The following TFEB variants were observed in gnomAD, a reference collection of about 807,000 sequenced individuals.
TFEB encodes the protein transcription factor EB.
Under a neutral mutation model 48.0 loss-of-function variants are expected in TFEB, and 12 were observed. The ratio of observed to expected loss-of-function variants is 0.25; its 90% CI spans 0.16 to 0.40. The LOEUF (loss-of-function observed/expected upper bound fraction) is 0.40, where lower values mean the gene tolerates loss of function less well. TFEB is among the 10% of genes least tolerant of loss of function. The pLI is 1.00. For synonymous variants in TFEB, 244 were observed against 261.4 expected (o/e 0.93, Z 0.64); for missense variants, 509 against 640.3 (o/e 0.79, Z 2.21).
chr6:41,699,438 C>A (rs946842687), intron 1 of TFEB, among the ~76,000 whole-genome samples: 2 of 152,234 alleles, frequency 1.3e-5, no homozygotes, highest in African/African-American at 2.4e-5. Context: ...CAGCTTCAGT[C>A]TCTCCTTACT....
chr6:41,717,832 G>T lies in TFEB; in HGVS notation c.-23+17518C>A, dbSNP rs115745669. 1.4e-3 allele frequency among the ~76,000 whole-genome samples: 217 copies of T among 152,322 alleles called. 1 individual carries two copies. Among genetic ancestry groups the T allele is most frequent in the Non-Finnish European group, 2.2e-3 (151 of 68,024 alleles). The stretch of plus-strand genomic sequence containing the variant: ...GAGCAAGGAGTCTGGCCCTAGCTCT[G>T]TAACAGGTAACTGCATAACCTGGGA... On this transcript the variant is annotated intron_variant, in intron 1 of 8. Coordinates refer to ENST00000373033, the MANE Select transcript of TFEB (RefSeq NM_001271944.2).
intron 1 of TFEB, among the ~76,000 whole-genome samples, chr6:41,692,912 ACTT>A (rs1355793811): frequency 6.6e-6 from 1 of 152,234 alleles, no homozygotes; most frequent in Non-Finnish European, 1.5e-5. Context: ...TAGTTCTGCC[ACTT>A]CTTTGCTGTG....
Position 41,695,198 on chromosome 6 carries a change from T to C in TFEB, c.-22-3963A>G, listed in dbSNP as rs58812547. 6.8e-3 allele frequency among the ~76,000 whole-genome samples: 1,034 copies of C among 152,220 alleles called. 9 individuals are homozygous for C. Among genetic ancestry groups the C allele is most frequent in the African/African-American group, 0.022 (928 of 41,542 alleles). On this transcript the variant is annotated intron_variant, in intron 1 of 8. Transcript: ENST00000373033. The stretch of plus-strand genomic sequence containing the variant: ...TCACAGCACCTGCCTTTTGGGGCCA[T>C]TGGGGGGATTCAAGGTAAGTGTGTG...
In TFEB at chr6:41,684,541, C is replaced by T; in HGVS notation, c.*58G>A. On this transcript the variant is annotated 3_prime_UTR_variant, in exon 9 of 9. Transcript: ENST00000373033. ...AGCCTGAAGGGTGGGAGGGAGGTGC[C>T]CCTGGCCCTCCCAGCCCCCAGGCCG... 6.7e-7 allele frequency: 1 copy of T among 1,497,778 alleles called. No homozygotes were observed. The highest frequency in any genetic ancestry group is 2.4e-5 in the East Asian group (1 of 42,382). The allele number at this position is 1,497,778 out of a possible 1,614,324, so 92.8% of individuals were successfully genotyped here. A position where few individuals can be genotyped will look rare whatever the true frequency, so the allele number is the denominator to read the frequency against.
At position 41,684,736 on chromosome 6, in the gene TFEB, C is replaced by A. The variant is rs1052269027; in HGVS notation, c.1294G>T (p.Asp432Tyr). 2 of 1,613,720 alleles carry A rather than the reference C, an allele frequency of 1.2e-6. No individual in the cohort carries two copies. Among genetic ancestry groups the A allele is most frequent in the Non-Finnish European group, 1.7e-6 (2 of 1,179,904 alleles). ...GSPFPSLSKK[D>Y]LDLMLLDDSL... ...TCGTCCAGGAGCATGAGGTCCAGAT[C>A]CTTCTTGGACAGGCTGGGGAATGGG... The change falls in exon 9 of 9, where the codon GAT (aspartate) becomes TAT (tyrosine). Residue 432 changes from aspartate (D) to tyrosine (Y), a missense_variant. Physicochemically the swap from Asp to Tyr is radical, Grantham distance 160. This residue lies in a region of TFEB where 168 missense variants were observed against 161.0 expected (regional missense o/e 1.04). Coordinates refer to ENST00000373033, the MANE Select transcript of TFEB (RefSeq NM_001271944.2).
At chr6:41,732,248 A>G (rs1162137084) in intron 1 of TFEB, among the ~76,000 whole-genome samples, 1 of 152,126 alleles carries the variant, frequency 6.6e-6, no homozygotes, top group East Asian at 1.9e-4. Context: ...CCCCTTGAAG[A>G]AGTGGTCTTC....
chr6:41,718,917 G>A (rs565413813), intron 1 of TFEB, among the ~76,000 whole-genome samples: 1 of 152,268 alleles, frequency 6.6e-6, no homozygotes, highest in African/African-American at 2.4e-5. Context: ...CTAGCACAGG[G>A]GTCCCCAGTC....
intron 1 of TFEB, among the ~76,000 whole-genome samples, chr6:41,719,136 G>A (rs1247278616): frequency 6.6e-6 from 1 of 152,104 alleles, no homozygotes; most frequent in Non-Finnish European, 1.5e-5. Context: ...ATTGTGCATT[G>A]TGCATGTGAG....
rs1771397805 is a variant in TFEB, at chr6:41,730,253, T to G, written c.-23+5097A>C. On this transcript the variant is annotated intron_variant, in intron 1 of 8. Coordinates refer to ENST00000373033, the MANE Select transcript of TFEB (RefSeq NM_001271944.2). This position sits in a 1 kb window ranked among gnomAD's most constrained non-coding sequence, Gnocchi z 4.1. The stretch of plus-strand genomic sequence containing the variant: ...GCAGTAAGATGGAACAGTGCCCCGG[T>G]CTCTCTGAAATGTGTGCCCTGATGG... Among the ~76,000 whole-genome samples, 2 of 152,136 alleles carry G rather than the reference T, an allele frequency of 1.3e-5. No homozygotes were observed. The highest frequency in any genetic ancestry group is 1.3e-4 in the Admixed American group (2 of 15,276).
chr6:41,727,772 C>G (rs1251705112), intron 1 of TFEB, among the ~76,000 whole-genome samples: 1 of 152,180 alleles, frequency 6.6e-6, no homozygotes, highest in Non-Finnish European at 1.5e-5. Flanking sequence ...CATGGAGGCT[C>G]AGTCACAGGC....
chr6:41,728,171 T>G (rs531719080), intron 1 of TFEB, among the ~76,000 whole-genome samples: 10 of 152,254 alleles, frequency 6.6e-5, no homozygotes, highest in Non-Finnish European at 1.3e-4. Flanking sequence ...CTCTGCCCTC[T>G]GTGGTTACTA....
rs374124410 is a variant in TFEB, at chr6:41,687,959, C to T, written c.619G>A (p.Val207Ile). 5.0e-5 allele frequency: 80 copies of T among 1,613,886 alleles called. No homozygotes were observed. Among genetic ancestry groups the T allele is most frequent in the East Asian group, 1.8e-4 (8 of 44,876 alleles). ...DPQVTASLVGVTSSSCPADLT... is the reference protein window; with the variant it reads ...DPQVTASLVGITSSSCPADLT... ...TCCGCAGGGCAGGAGCTGCTGGTGA[C>T]GCCCACCAGGGAGGCTGTGACCTGG... The change falls in exon 5 of 9, where the codon GTC (valine) becomes ATC (isoleucine). Residue 207 changes from valine (V) to isoleucine (I), a missense_variant. By Grantham distance (29) the Val-to-Ile change is conservative (BLOSUM62 3). Coordinates refer to ENST00000373033, the MANE Select transcript of TFEB (RefSeq NM_001271944.2).
At chr6:41,706,432 C>A (rs1370990047) in intron 1 of TFEB, among the ~76,000 whole-genome samples, 1 of 152,158 alleles carries the variant, frequency 6.6e-6, no homozygotes, top group African/African-American at 2.4e-5. Flanking sequence ...ACAGCACAGG[C>A]AGTGGCCCAG....
chr6:41,697,772 G>A (rs1004370539), intron 1 of TFEB, among the ~76,000 whole-genome samples: 1 of 152,058 alleles, frequency 6.6e-6, no homozygotes, highest in Non-Finnish European at 1.5e-5. Flanking sequence ...AATAAATTAC[G>A]GTGTGTCCCT....
intron 1 of TFEB, among the ~76,000 whole-genome samples, chr6:41,714,907 C>A (rs1018444167): frequency 1.3e-5 from 2 of 152,196 alleles, no homozygotes; most frequent in Admixed American, 1.3e-4. Flanking sequence ...AAATGTCAGA[C>A]GACAAGGAGC....
intron 1 of TFEB, among the ~76,000 whole-genome samples, chr6:41,702,266 CCAGGAGGCT>C (rs892973759): frequency 5.1e-4 from 77 of 152,288 alleles, no homozygotes; most frequent in Middle Eastern, 3.4e-3. Flanking sequence ...ACATCCATGC[CCAGGAGGCT>C]CAGAGGGTGA....
Position 41,684,416 on chromosome 6 carries a change from G to T in TFEB, c.*183C>A. On this transcript the variant is annotated 3_prime_UTR_variant, in exon 9 of 9. Coordinates refer to ENST00000373033, the MANE Select transcript of TFEB (RefSeq NM_001271944.2). ...CAGTCAAGAGGGCTGCCCTGGGGGT[G>T]CTTCTCCTGACCCCACAGGCTGCCA... 1 of 649,548 alleles carries T rather than the reference G, an allele frequency of 1.5e-6. No individual in the cohort carries two copies. The highest frequency in any genetic ancestry group is 2.3e-6 in the Non-Finnish European group (1 of 431,454). 40.2% of individuals were successfully genotyped at this position (649,548 alleles called of 1,614,324 possible). A position where few individuals can be genotyped will look rare whatever the true frequency, so the allele number is the denominator to read the frequency against.
At chr6:41,699,147 G>T (rs991875402) in intron 1 of TFEB, among the ~76,000 whole-genome samples, 2 of 152,254 alleles carry the variant, frequency 1.3e-5, no homozygotes, top group African/African-American at 2.4e-5. Flanking sequence ...CATCAGTCAA[G>T]CAGGGCTTGC....
chr6:41,690,188 T>G (rs1053302953), intron 3 of TFEB, among the ~76,000 whole-genome samples: 1 of 152,020 alleles, frequency 6.6e-6, no homozygotes, highest in African/African-American at 2.4e-5. Context: ...TGAAGTGCAG[T>G]GGCTCGATCT....
Sources: gnomAD v4.1 joint callset for allele counts (sites outside exome capture counted in the v4.1 genomes callset) on GRCh38, gnomAD v4.1.1 for gene constraint, gnomAD v4.1.1 regional missense constraint, Gnocchi (gnomAD v3.1) non-coding constraint, MANE v1.5 for transcripts, NCBI Gene and HGNC (gene_info 2026-07-23, HGNC 2026-07-21) for gene names.